The following KLHL1 variants were observed in gnomAD, a reference collection of about 807,000 sequenced individuals.
The protein encoded by KLHL1 is kelch-like protein 1.
Under a neutral mutation model 77.7 loss-of-function variants are expected in KLHL1, and 47 were observed. The observed-to-expected ratio is 0.60, with a 90% CI of 0.48 to 0.77. The LOEUF (loss-of-function observed/expected upper bound fraction) is 0.77. KLHL1 is among the 30% of genes least tolerant of loss of function. KLHL1 has a pLI of 0.00. For missense variants in KLHL1, 925 were observed against 910.8 expected (o/e 1.02, Z -0.20); for synonymous variants, 360 against 325.2 (o/e 1.11, Z -1.15).
intron 1 of KLHL1, among the ~76,000 whole-genome samples, chr13:69,993,266 C>G (rs1038522410): frequency 6.6e-6 from 1 of 152,012 alleles, no homozygotes; most frequent in African/African-American, 2.4e-5. Flanking sequence ...AGCAGAACCA[C>G]CACGCTTGTA....
chr13:69,929,633 T>C (rs959685693), intron 4 of KLHL1, among the ~76,000 whole-genome samples: 3 of 151,908 alleles, frequency 2.0e-5, no homozygotes, highest in Non-Finnish European at 4.4e-5. Context: ...TGAACTTCAA[T>C]GAATGTCATA....
chr13:70,075,844 C>A (rs1425114106), intron 1 of KLHL1, among the ~76,000 whole-genome samples: 1 of 148,756 alleles, frequency 6.7e-6, no homozygotes, highest in Non-Finnish European at 1.5e-5. Flanking sequence ...TTCCTATACA[C>A]CAGCAGTGAA....
chr13:69,966,735 A>T (rs1239122049), intron 2 of KLHL1, among the ~76,000 whole-genome samples: 1 of 152,046 alleles, frequency 6.6e-6, no homozygotes, highest in Non-Finnish European at 1.5e-5. Context: ...GTACCCATTA[A>T]TCATTTTTTC....
At chr13:70,068,542 A>C (rs796480072) in intron 1 of KLHL1, among the ~76,000 whole-genome samples, 1 of 152,206 alleles carries the variant, frequency 6.6e-6, no homozygotes, top group East Asian at 1.9e-4. Flanking sequence ...TACCTCAGCT[A>C]CAATGAACTT....
At chr13:69,733,603 T>C (rs1873644263) in intron 8 of KLHL1, among the ~76,000 whole-genome samples, 1 of 152,160 alleles carries the variant, frequency 6.6e-6, no homozygotes, top group Non-Finnish European at 1.5e-5. Context: ...ATACATATAT[T>C]AAAGATGTTT....
intron 4 of KLHL1, among the ~76,000 whole-genome samples, chr13:69,900,095 G>A (rs113796757): frequency 0.044 from 6,751 of 152,090 alleles, 167 homozygotes; most frequent in Non-Finnish European, 0.051. Flanking sequence ...ACCTTGGAGC[G>A]GGGCAGACAT....
At chr13:69,733,711 A>G (rs1054012002) in intron 8 of KLHL1, among the ~76,000 whole-genome samples, 5 of 152,212 alleles carry the variant, frequency 3.3e-5, no homozygotes, top group Non-Finnish European at 7.3e-5. Context: ...AGTAGGGCAC[A>G]TGGAGCATTC....
chr13:69,891,185 A>C (rs557438825), intron 4 of KLHL1, among the ~76,000 whole-genome samples: 56 of 152,194 alleles, frequency 3.7e-4, no homozygotes, highest in Non-Finnish European at 6.6e-4. Context: ...CCTAGAGCAA[A>C]ATTACCTAGA....
intron 8 of KLHL1, among the ~76,000 whole-genome samples, chr13:69,736,681 T>G (rs1469010695): frequency 4.1e-5 from 6 of 146,710 alleles, no homozygotes; most frequent in African/African-American, 1.6e-4. Flanking sequence ...GATTGTGAGA[T>G]ATATATATGT....
At chr13:70,027,052 G>T (rs1444375116) in intron 1 of KLHL1, among the ~76,000 whole-genome samples, 1 of 151,960 alleles carries the variant, frequency 6.6e-6, no homozygotes, top group African/African-American at 2.4e-5. Flanking sequence ...AACAAATTTT[G>T]AGTTTAGAGT....
chr13:69,726,983 A>G (rs1223318766), intron 8 of KLHL1, among the ~76,000 whole-genome samples: 1 of 152,138 alleles, frequency 6.6e-6, no homozygotes, highest in Non-Finnish European at 1.5e-5. Flanking sequence ...GAAACTTATC[A>G]ATGAAAAAGC....
chr13:69,843,472 CTATCCCTAGTATT>C (rs751778866), intron 5 of KLHL1, among the ~76,000 whole-genome samples: 29 of 151,732 alleles, frequency 1.9e-4, no homozygotes, highest in Non-Finnish European at 3.1e-4. Flanking sequence ...AGTTTCTATG[CTATCCCTAGTATT>C]TTGATGGCTC....
At chr13:69,718,607 A>G (rs188358805) in intron 9 of KLHL1, among the ~76,000 whole-genome samples, 7 of 152,202 alleles carry the variant, frequency 4.6e-5, no homozygotes, top group East Asian at 3.9e-4. Flanking sequence ...TATGTATCCT[A>G]TGTAATAGGA....
At chr13:69,858,945 T>G (rs1030626475) in intron 5 of KLHL1, among the ~76,000 whole-genome samples, 2 of 152,104 alleles carry the variant, frequency 1.3e-5, no homozygotes, top group African/African-American at 4.8e-5. Context: ...TTTCTCTTGT[T>G]CTTTCTCTGT....
chr13:69,910,399 G>A (rs1278141370), intron 4 of KLHL1, among the ~76,000 whole-genome samples: 2 of 152,038 alleles, frequency 1.3e-5, no homozygotes, highest in East Asian at 3.9e-4. Context: ...TTTGACTGAT[G>A]TATTAGTAAA....
chr13:69,736,936 C>T (rs1873790421), intron 8 of KLHL1, among the ~76,000 whole-genome samples: 2 of 152,008 alleles, frequency 1.3e-5, no homozygotes, highest in African/African-American at 2.4e-5. Flanking sequence ...GCTCTCGGCT[C>T]CCAGTGAGAA....
At chr13:70,001,724 A>G (rs1238911869) in intron 1 of KLHL1, among the ~76,000 whole-genome samples, 2 of 151,086 alleles carry the variant, frequency 1.3e-5, no homozygotes, top group African/African-American at 4.8e-5. Context: ...CCTATCTTAA[A>G]TAGATCATAT....
intron 1 of KLHL1, among the ~76,000 whole-genome samples, chr13:69,990,510 G>T (rs1013441365): frequency 6.6e-6 from 1 of 151,912 alleles, no homozygotes; most frequent in Non-Finnish European, 1.5e-5. Flanking sequence ...AAAAAAGCAG[G>T]AGCTGTAATC....
chr13:69,969,295 T>C (rs1037358431), intron 2 of KLHL1, among the ~76,000 whole-genome samples: 6 of 152,128 alleles, frequency 3.9e-5, no homozygotes, highest in African/African-American at 1.4e-4. Flanking sequence ...TTTAAAGTTC[T>C]CACTTTCCTA....
Sources: gnomAD v4.1 joint callset for allele counts (sites outside exome capture counted in the v4.1 genomes callset) on GRCh38, gnomAD v4.1.1 for gene constraint, MANE v1.5 for transcripts, NCBI Gene and HGNC (gene_info 2026-07-23, HGNC 2026-07-21) for gene names.